The following COPS9 variants were observed in gnomAD, a reference collection of about 807,000 sequenced individuals.
The protein encoded by COPS9 is COP9 signalosome subunit 9.
A neutral mutation model predicts 7.2 loss-of-function variants in COPS9; 8 were observed. The observed-to-expected ratio is 1.11, with a 90% CI of 0.65 to 2.00. COPS9 has a LOEUF of 2.00. COPS9 is among the 30% of genes most tolerant of loss of function. The pLI, the probability that COPS9 is intolerant of heterozygous loss-of-function variation, is 0.00. For missense variants in COPS9, 74 were observed against 77.7 expected (o/e 0.95, Z 0.18); for synonymous variants, 39 against 28.7 (o/e 1.36, Z -1.14).
intron 1 of COPS9, among the ~76,000 whole-genome samples, chr2:240,135,255 C>A (rs2071964294): frequency 6.6e-6 from 1 of 152,198 alleles, no homozygotes; most frequent in Non-Finnish European, 1.5e-5. Flanking sequence ...CTTCATCCCC[C>A]ACTACCTGGC....
intron 1 of COPS9, 77 bp from the exon 2 acceptor site, chr2:240,134,082 A>ACCC: frequency 2.2e-6 from 3 of 1,338,126 alleles, no homozygotes; most frequent in Non-Finnish European, 3.2e-6. Context: ...CAGGGCCACT[A>ACCC]CCCCCACAAA....
At chr2:240,130,780 G>A, downstream of COPS9, 1 of 1,356,788 alleles carries the variant, frequency 7.4e-7, no homozygotes, top group African/African-American at 1.5e-5. Flanking sequence ...AGACGTTTAG[G>A]GACTGCAACA....
downstream of COPS9, among the ~76,000 whole-genome samples, chr2:240,128,106 AGGC>A (rs2071884952): frequency 6.6e-6 from 1 of 152,216 alleles, no homozygotes; most frequent in South Asian, 2.1e-4. Flanking sequence ...CCAGGGCTGG[AGGC>A]GGGCAAAGCG....
At chr2:240,126,792 AT>A, downstream of COPS9, 1 of 1,614,016 alleles carries the variant, frequency 6.2e-7, no homozygotes, top group Non-Finnish European at 8.5e-7. Flanking sequence ...TCCTGTGCCC[AT>A]TTTCCCCTCA....
At chr2:240,131,881 C>T (rs919000821) in intron 2 of COPS9, among the ~76,000 whole-genome samples, 17 of 152,164 alleles carry the variant, frequency 1.1e-4, no homozygotes, top group African/African-American at 3.6e-4. Context: ...AGGGTCAGAG[C>T]GAAGAGAAAG....
At chr2:240,128,564 C>T (rs1387765975), downstream of COPS9, among the ~76,000 whole-genome samples, 1 of 152,184 alleles carries the variant, frequency 6.6e-6, no homozygotes, top group Non-Finnish European at 1.5e-5. Flanking sequence ...AGCCTGCGGT[C>T]CCCCAGCAGC....
chr2:240,126,863 C>T (rs4292120), downstream of COPS9: 923,939 of 1,613,946 alleles, frequency 0.57, 271,274 homozygotes, highest in African/African-American at 0.91. Context: ...ACATTAGCGC[C>T]TCCGCCCCCT....
intron 1 of COPS9, chr2:240,135,893 C>T: frequency 5.4e-6 from 2 of 373,814 alleles, no homozygotes; most frequent in East Asian, 4.7e-5. Flanking sequence ...TGGGGTGCTG[C>T]AGCCATCGAA....
downstream of COPS9, chr2:240,126,719 G>A: frequency 1.2e-6 from 2 of 1,614,176 alleles, no homozygotes; most frequent in Middle Eastern, 1.6e-4. Context: ...TTGTGGTTCT[G>A]AGCACCTCTA....
downstream of COPS9, chr2:240,129,774 A>G (rs578121554): frequency 6.3e-4 from 419 of 665,376 alleles, 7 homozygotes; most frequent in South Asian, 7.4e-3. Flanking sequence ...ACCCTCTCCA[A>G]GTGCAGACGA....
Position 240,131,085 on chromosome 2 carries a change from A to C in COPS9, c.140T>G (p.Phe47Cys). 6.2e-7 allele frequency: 1 copy of C among 1,612,602 alleles called. No individual in the cohort carries two copies. The highest frequency in any genetic ancestry group is 1.7e-4 in the Middle Eastern group (1 of 6,058). ...KAVHADFFND[F>C]EDLFDDDDIQ Reference sequence around the variant, plus strand: ...GTCATCATCATCAAAAAGATCTTCAAAATCTAGGGAAATAAGCAAAACCAC... The same window carrying C: ...GTCATCATCATCAAAAAGATCTTCACAATCTAGGGAAATAAGCAAAACCAC... The change falls in exon 3 of 3, where the codon TTT becomes TGT. Residue 47 changes from phenylalanine (F) to cysteine (C), a missense_variant. Coordinates refer to ENST00000607357, the MANE Select transcript of COPS9 (RefSeq NM_001163424.2).
At chr2:240,130,120 G>C, downstream of COPS9, 1 of 1,017,640 alleles carries the variant, frequency 9.8e-7, no homozygotes, top group Admixed American at 2.2e-5. Flanking sequence ...GCTGACATTC[G>C]GTTCTGCTTA....
At chr2:240,129,111 G>C (rs1022379892), downstream of COPS9, among the ~76,000 whole-genome samples, 1 of 152,188 alleles carries the variant, frequency 6.6e-6, no homozygotes, top group African/African-American at 2.4e-5. Context: ...CCTTCCTGCT[G>C]AAGGCCAGAG....
At chr2:240,130,759 C>A, downstream of COPS9, 3 of 1,310,508 alleles carry the variant, frequency 2.3e-6, no homozygotes, top group Non-Finnish European at 2.9e-6. Context: ...CATGCACACA[C>A]AAACACACAG....
downstream of COPS9, chr2:240,126,879 T>C (rs764954667): frequency 1.9e-6 from 3 of 1,614,188 alleles, no homozygotes; most frequent in Non-Finnish European, 2.5e-6. Flanking sequence ...CCCCTGCCCA[T>C]GGCCTGTGCT....
downstream of COPS9, chr2:240,129,997 A>G: frequency 6.2e-7 from 1 of 1,613,894 alleles, no homozygotes; most frequent in Non-Finnish European, 8.5e-7. Context: ...ACCATGGAGG[A>G]CTGCTGGCTT....
chr2:240,136,082 CG>C, intron 1 of COPS9, 139 bp downstream of exon 1: 1 of 1,253,334 alleles, frequency 8.0e-7, no homozygotes, highest in Non-Finnish European at 1.0e-6. Context: ...TTGCTCTCCG[CG>C]GGGCAGGGAG....
At chr2:240,131,472 T>C (rs953456855) in intron 2 of COPS9, among the ~76,000 whole-genome samples, 3 of 151,984 alleles carry the variant, frequency 2.0e-5, no homozygotes, top group Non-Finnish European at 4.4e-5. Context: ...CGGGGAGAGA[T>C]GAAGCTGGGA....
downstream of COPS9, chr2:240,126,820 T>C: frequency 6.2e-7 from 1 of 1,614,212 alleles, no homozygotes; most frequent in South Asian, 1.1e-5. Flanking sequence ...GCTTTGTTGG[T>C]GCCACACAGC....
Sources: gnomAD v4.1 joint callset for allele counts (sites outside exome capture counted in the v4.1 genomes callset) on GRCh38, gnomAD v4.1.1 for gene constraint, MANE v1.5 for transcripts, NCBI Gene and HGNC (gene_info 2026-07-23, HGNC 2026-07-21) for gene names.